ZNF44: variants seen among roughly 807,000 people sequenced by gnomAD.
ZNF44 encodes the protein gonadotropin inducible transcription repressor-2.
ZNF44 carries 9 observed loss-of-function variants against 11.7 expected under a neutral mutation model. That is an observed-to-expected ratio of 0.77 (90% confidence interval 0.46 to 1.35). The LOEUF is 1.35. Among genes scored for constraint, ZNF44 ranks in the 40% most tolerant of loss-of-function variants. The pLI is 0.00. For missense variants in ZNF44, 696 were observed against 743.1 expected (o/e 0.94, Z 0.74); for synonymous variants, 224 against 242.7 (o/e 0.92, Z 0.72).
At chr19:12,260,375 G>C in intron 5 of ZNF44, 1 of 1,328,084 alleles carries the variant, frequency 7.5e-7, no homozygotes, top group South Asian at 1.3e-5. Context: ...CCATCAACAA[G>C]AATGCTGGCG....
At chr19:12,249,684 C>G (rs1012955887) in intron 7 of ZNF44, among the ~76,000 whole-genome samples, 5 of 152,050 alleles carry the variant, frequency 3.3e-5, no homozygotes, top group African/African-American at 1.2e-4. Context: ...TCCGAAGTAG[C>G]TGGGATTACA....
chr19:12,272,219 G>T lies in ZNF44; in HGVS notation c.*188C>A. 1.1e-6 allele frequency: 1 copy of T among 929,274 alleles called. No homozygotes were observed. The highest frequency in any genetic ancestry group is 1.4e-6 in the Non-Finnish European group (1 of 703,232). The allele number at this position is 929,274 out of a possible 1,614,324, so 57.6% of individuals were successfully genotyped here. ...CAGGGTTTCCCATGTTAGCCAGGCTGGTCTCGATCTCCTGGCCTCGTGATC... is the reference window on the plus strand; with the variant it reads ...CAGGGTTTCCCATGTTAGCCAGGCTTGTCTCGATCTCCTGGCCTCGTGATC... On this transcript the variant is annotated 3_prime_UTR_variant, in exon 4 of 4. Transcript: ENST00000355684.
intron 2 of ZNF44, among the ~76,000 whole-genome samples, chr19:12,233,965 G>C (rs962096116): frequency 4.6e-5 from 7 of 151,966 alleles, no homozygotes; most frequent in Non-Finnish European, 8.8e-5. Context: ...AGGAGGTTGA[G>C]GCAGGAGAAT....
At chr19:12,284,723 A>T (rs1967652976) in intron 1 of ZNF44, 3 of 738,790 alleles carry the variant, frequency 4.1e-6, no homozygotes, top group Non-Finnish European at 4.8e-6. Flanking sequence ...TCCGTCTGGG[A>T]GTTAAGTGCT....
upstream of ZNF44, among the ~76,000 whole-genome samples, chr19:12,242,418 G>C (rs560894282): frequency 6.6e-6 from 1 of 151,604 alleles, no homozygotes; most frequent in South Asian, 2.1e-4. Flanking sequence ...GCTGAGGCAG[G>C]AGAATAGCGT....
intron 5 of ZNF44, among the ~76,000 whole-genome samples, chr19:12,258,251 C>A (rs1476410815): frequency 1.4e-5 from 2 of 141,852 alleles, no homozygotes; most frequent in African/African-American, 5.2e-5. Flanking sequence ...GAGGATGCTT[C>A]AGCCCAGATG....
At chr19:12,239,598 T>TA (rs1239441665), upstream of ZNF44, among the ~76,000 whole-genome samples, 2 of 113,688 alleles carry the variant, frequency 1.8e-5, no homozygotes, top group Admixed American at 9.5e-5. Flanking sequence ...TTTTTTGAGA[T>TA]AGAGTCTAAC....
At chr19:12,247,321 G>A (rs938007725), downstream of ZNF44, 17 of 1,281,128 alleles carry the variant, frequency 1.3e-5, no homozygotes, top group Admixed American at 9.5e-5. Flanking sequence ...AAGGATGCAC[G>A]CCAAATGAAG....
chr19:12,263,587 A>T (rs566958438), intron 5 of ZNF44, among the ~76,000 whole-genome samples: 1 of 152,094 alleles, frequency 6.6e-6, no homozygotes, highest in South Asian at 2.1e-4. Flanking sequence ...CAGCTTGGGC[A>T]ATGTATCAAA....
rs1917273055 is a variant in ZNF44 at position 12,256,695 on chromosome 19, CTCTTTT to C, written c.1913-6333_1913-6328del. On this transcript the variant is annotated intron_variant and NMD_transcript_variant, in intron 5 of 7. Coordinates refer to the ZNF44 transcript ENST00000393337. ...AATGACTGTCCCCAGAGAGCAATTA[CTCTTTT>C]TTTTTTTTTTTTTTTTTGAGACGGA... Among the ~76,000 whole-genome samples, 2 of 135,010 alleles carry C rather than the reference CTCTTTT, an allele frequency of 1.5e-5. 1 individual carries two copies. Among genetic ancestry groups the C allele is most frequent in the African/African-American group, 5.8e-5 (2 of 34,702 alleles). The allele number at this position is 135,010 out of a possible 152,430, so 88.6% of individuals were successfully genotyped here.
At chr19:12,294,671 C>CGCCGGGCCCCGCACACTCACCATT (rs1192611361) in intron 1 of ZNF44, 21 bp downstream of exon 1, 1 of 1,558,350 alleles carries the variant, frequency 6.4e-7, no homozygotes, top group East Asian at 2.4e-5. Context: ...TGCCTCAGGA[C>CGCCGGGCCCCGCACACTCACCATT]GCCGGGCCCC....
At chr19:12,267,620 AC>A (rs1917783424), downstream of ZNF44, among the ~76,000 whole-genome samples, 1 of 151,998 alleles carries the variant, frequency 6.6e-6, no homozygotes, top group African/African-American at 2.4e-5. Flanking sequence ...AGGCAGAGAA[AC>A]CTAAGGATTT....
At chr19:12,249,982 G>T in exon 7 of ZNF44, 2 of 1,285,850 alleles carry the variant, frequency 1.6e-6, no homozygotes, top group Non-Finnish European at 2.0e-6. Context: ...ACTCACCTGA[G>T]ATTTCTCCCC....
At chr19:12,266,402 G>A (rs966558414) in intron 5 of ZNF44, 27 of 945,208 alleles carry the variant, frequency 2.9e-5, no homozygotes, top group Non-Finnish European at 3.3e-5. Context: ...GCGACCCGAG[G>A]GCGCCAAGGC....
chr19:12,285,968 G>A (rs890079881), intron 1 of ZNF44, among the ~76,000 whole-genome samples: 1 of 141,644 alleles, frequency 7.1e-6, no homozygotes, highest in Admixed American at 6.8e-5. Context: ...GCAGTGAGCC[G>A]AGATCACGCC....
chr19:12,240,302 G>A (rs754736415), upstream of ZNF44, among the ~76,000 whole-genome samples: 10 of 151,834 alleles, frequency 6.6e-5, no homozygotes, highest in Admixed American at 3.9e-4. Flanking sequence ...AAAATTAGCC[G>A]GGTGTGGTGG....
intron 5 of ZNF44, chr19:12,266,304 T>C: frequency 1.0e-6 from 1 of 985,266 alleles, no homozygotes; most frequent in Non-Finnish European, 1.2e-6. Context: ...TGTCCCAGCA[T>C]CCTCCTGATG....
intron 3 of ZNF44, among the ~76,000 whole-genome samples, chr19:12,228,634 T>G (rs928387885): frequency 2.6e-5 from 4 of 152,188 alleles, no homozygotes; most frequent in African/African-American, 7.2e-5. Flanking sequence ...TCTCTCTCTT[T>G]AAACAACCAG....
At chr19:12,231,613 CAGG>C (rs1484990254) in intron 2 of ZNF44, among the ~76,000 whole-genome samples, 1 of 152,160 alleles carries the variant, frequency 6.6e-6, no homozygotes, top group Non-Finnish European at 1.5e-5. Flanking sequence ...AGACAATTCA[CAGG>C]AGATTTGTGG....
Sources: allele counts gnomAD v4.1 joint callset (sites outside exome capture counted in the v4.1 genomes callset), GRCh38; gene constraint gnomAD v4.1.1; transcripts MANE v1.5; gene names NCBI Gene and HGNC (gene_info 2026-07-23, HGNC 2026-07-21).